CDYL: variants seen among roughly 807,000 people sequenced by gnomAD.
The protein encoded by CDYL is chromodomain Y-like protein.
A neutral mutation model predicts 47.3 loss-of-function variants in CDYL; 8 were observed. That is an observed-to-expected ratio of 0.17 (90% confidence interval 0.10 to 0.31). CDYL has a LOEUF of 0.31. Among genes scored for constraint, CDYL ranks in the 10% least tolerant of loss-of-function variants. The pLI, the probability that CDYL is intolerant of heterozygous loss-of-function variation, is 1.00. For synonymous variants in CDYL, 266 were observed against 265.0 expected (o/e 1.00, Z -0.04); for missense variants, 471 against 701.4 (o/e 0.67, Z 3.71).
chr6:4,792,049 A>ATT (rs768229405), intron 1 of CDYL, among the ~76,000 whole-genome samples: 4,987 of 137,622 alleles, frequency 0.036, 318 homozygotes, highest in African/African-American at 0.13. Context: ...CGCCCGGCTA[A>ATT]TTTTTTTTTT....
In CDYL at chr6:4,776,541, C is replaced by A. The variant is rs1468497983; in HGVS notation, c.-243C>A. 1 of 164,942 alleles carries A rather than the reference C, an allele frequency of 6.1e-6. No individual in the cohort carries two copies. Among genetic ancestry groups the A allele is most frequent in the Non-Finnish European group, 1.3e-5 (1 of 79,256 alleles). 10.2% of individuals were successfully genotyped at this position (164,942 alleles called of 1,614,324 possible). The stretch of plus-strand genomic sequence containing the variant: ...CGATGAGCCCGAGCGCGAGCCGGCC[C>A]GCCGGGGAGTGAGCGCGGGGCGCCC... On this transcript the variant is annotated 5_prime_UTR_variant, in exon 1 of 7. Coordinates refer to ENST00000397588, the MANE Select transcript of CDYL (RefSeq NM_004824.4).
At chr6:4,907,605 G>A (rs370674742) in intron 2 of CDYL, among the ~76,000 whole-genome samples, 2 of 152,162 alleles carry the variant, frequency 1.3e-5, no homozygotes, top group East Asian at 3.9e-4. Context: ...GAACTCCTGA[G>A]CTCAAGCAAT....
chr6:4,921,318 CCAGCACCGGCCTTCTCCCCATTT>C (rs1757709585), intron 2 of CDYL, among the ~76,000 whole-genome samples: 1 of 152,144 alleles, frequency 6.6e-6, no homozygotes, highest in Non-Finnish European at 1.5e-5. Flanking sequence ...ACATGGTGGC[CCAGCACCGGCCTTCTCCCCATTT>C]GTGAAAACCA....
rs1762243527 is a variant in CDYL, at chr6:4,895,451, A to ACATGTATACGTATATACGTATG, written c.691+3072_691+3073insCATGTATACGTATATACGTATG. Among the ~76,000 whole-genome samples the ACATGTATACGTATATACGTATG allele has an allele frequency of 1.4e-4, 12 of 88,142 alleles. 6 individuals are homozygous for ACATGTATACGTATATACGTATG. The highest frequency in any genetic ancestry group is 5.6e-4 in the African/African-American group (12 of 21,550). The allele number at this position is 88,142 out of a possible 152,430, so 57.8% of individuals were successfully genotyped here. On this transcript the variant is annotated intron_variant, in intron 2 of 6. Coordinates refer to ENST00000397588, the MANE Select transcript of CDYL (RefSeq NM_004824.4). Reference sequence around the variant, plus strand: ...TATACATGTATACGTATATATGCATATATACATGTATACATATATACGTAT... The same window carrying ACATGTATACGTATATACGTATG: ...TATACATGTATACGTATATATGCATACATGTATACGTATATACGTATGTATACATGTATACATATATACGTAT...
chr6:4,724,462 AC>A (rs1757450984), intron 2 of CDYL: 2 of 152,714 alleles, frequency 1.3e-5, no homozygotes, highest in South Asian at 4.1e-4. Context: ...CCCTGAAGCA[AC>A]CTGCTCGCGT....
At chr6:4,850,980 A>G (rs946573392) in intron 1 of CDYL, among the ~76,000 whole-genome samples, 11 of 152,194 alleles carry the variant, frequency 7.2e-5, no homozygotes, top group African/African-American at 2.2e-4. Flanking sequence ...GCACATGGCA[A>G]TGACTAATTA....
chr6:4,935,031 A>AC (rs1384903091), intron 2 of CDYL, among the ~76,000 whole-genome samples: 1 of 152,234 alleles, frequency 6.6e-6, no homozygotes, highest in African/African-American at 2.4e-5. Flanking sequence ...TGGCTGCCAC[A>AC]CAGCTCTATG....
At chr6:4,735,734 C>T in intron 3 of CDYL, among the ~76,000 whole-genome samples, 1 of 151,992 alleles carries the variant, frequency 6.6e-6, no homozygotes, top group East Asian at 1.9e-4. Flanking sequence ...CCACTGCACT[C>T]TAGCACGGGC....
chr6:4,873,889 T>C (rs73348324), intron 1 of CDYL, among the ~76,000 whole-genome samples: 5,506 of 152,284 alleles, frequency 0.036, 334 homozygotes, highest in African/African-American at 0.13. Flanking sequence ...CTCCTGCCAC[T>C]GCTTGCTCAT....
rs947214788 is a variant in CDYL, at chr6:4,841,977, TTAA to T, written c.25-49729_25-49727del. Among the ~76,000 whole-genome samples, 590 of 145,934 alleles carry T rather than the reference TTAA, an allele frequency of 4.0e-3. 6 individuals are homozygous for T. The highest frequency in any genetic ancestry group is 3.9e-3 in the Non-Finnish European group (257 of 66,472). On this transcript the variant is annotated intron_variant, in intron 1 of 6. Coordinates refer to ENST00000397588, the MANE Select transcript of CDYL (RefSeq NM_004824.4). ...ACTTTATATTAATATTATATTAATA[TTAA>T]TAATAAATTATTAATATAAATAAAT...
chr6:4,896,460 T>A (rs1244031311), intron 2 of CDYL, among the ~76,000 whole-genome samples: 1 of 152,184 alleles, frequency 6.6e-6, no homozygotes, highest in Non-Finnish European at 1.5e-5. Flanking sequence ...TCCAGTAGAA[T>A]GGGTGCGCAT....
At chr6:4,714,520 C>T (rs1333990282) in intron 1 of CDYL, 1 of 152,170 alleles carries the variant, frequency 6.6e-6, no homozygotes, top group Admixed American at 6.5e-5. Context: ...AATCATGGTT[C>T]AGGACACCAA....
chr6:4,830,220 A>T (rs112396654), intron 1 of CDYL, among the ~76,000 whole-genome samples: 155 of 152,372 alleles, frequency 1.0e-3, no homozygotes, highest in African/African-American at 3.5e-3. Context: ...ACCCATTTAA[A>T]CAATTGGCGC....
rs1046949954 is a variant in CDYL at position 4,943,723 on chromosome 6, C to T, written c.1299C>T (p.Thr433=). 8 of 1,606,502 alleles carry T rather than the reference C, an allele frequency of 5.0e-6. No homozygotes were observed. Among genetic ancestry groups the T allele is most frequent in the Non-Finnish European group, 6.8e-6 (8 of 1,177,682 alleles). Residue 433 remains threonine (T), a synonymous_variant, in exon 5 of 7, where the codon ACC becomes ACT. Transcript: ENST00000397588. The stretch of plus-strand genomic sequence containing the variant: ...GACAGAGTCCAGATGGCTGTTCTAC[C>T]GTTATGTTTCCCAAGATAATGGGAG... ...TFGQSPDGCS[T]VMFPKIMGGA... is the part of the protein sequence containing the mutation.
intron 2 of CDYL, among the ~76,000 whole-genome samples, chr6:4,915,587 G>A (rs528653197): frequency 6.6e-6 from 1 of 152,276 alleles, no homozygotes; most frequent in African/African-American, 2.4e-5. Flanking sequence ...AATACTGACA[G>A]AACAGACTCT....
intron 3 of CDYL, among the ~76,000 whole-genome samples, chr6:4,768,546 G>A (rs1024440727): frequency 4.6e-5 from 7 of 152,192 alleles, no homozygotes; most frequent in African/African-American, 1.2e-4. Context: ...TTATAATCCA[G>A]GGTATAAAAT....
intron 1 of CDYL, among the ~76,000 whole-genome samples, chr6:4,867,553 T>C (rs1296460766): frequency 1.3e-5 from 2 of 152,154 alleles, no homozygotes; most frequent in Non-Finnish European, 1.5e-5. Flanking sequence ...TATTAAATGC[T>C]TTGTCAATGA....
intron 2 of CDYL, among the ~76,000 whole-genome samples, chr6:4,926,936 T>C (rs889361265): frequency 2.0e-5 from 3 of 152,234 alleles, no homozygotes; most frequent in Non-Finnish European, 4.4e-5. Flanking sequence ...GAATCCGATT[T>C]TATGCTTAGG....
intron 1 of CDYL, among the ~76,000 whole-genome samples, chr6:4,819,540 A>G (rs956350100): frequency 2.0e-5 from 3 of 152,292 alleles, no homozygotes; most frequent in South Asian, 2.1e-4. Flanking sequence ...ATTGCTTTAA[A>G]GGTATCATCA....
Sources: allele counts gnomAD v4.1 joint callset (sites outside exome capture counted in the v4.1 genomes callset), GRCh38; gene constraint gnomAD v4.1.1; transcripts MANE v1.5; gene names NCBI Gene and HGNC (gene_info 2026-07-23, HGNC 2026-07-21).